The following SNTG2 variants were observed in gnomAD, a reference collection of about 807,000 sequenced individuals.
The protein encoded by SNTG2 is gamma-2-syntrophin.
Under a neutral mutation model 70.9 loss-of-function variants are expected in SNTG2, and 74 were observed. The observed-to-expected ratio is 1.04, with a 90% confidence interval of 0.86 to 1.27. The LOEUF (loss-of-function observed/expected upper bound fraction) is 1.27. Ranked by LOEUF, SNTG2 falls within the 50% of genes most tolerant of loss-of-function variation. The pLI, the probability that SNTG2 is intolerant of heterozygous loss-of-function variation, is 0.00. For missense variants in SNTG2, 717 were observed against 690.7 expected (o/e 1.04, Z -0.43); for synonymous variants, 278 against 273.8 (o/e 1.02, Z -0.15).
intron 6 of SNTG2, among the ~76,000 whole-genome samples, chr2:1,157,136 C>A (rs1386692681): frequency 6.6e-6 from 1 of 152,204 alleles, no homozygotes; most frequent in African/African-American, 2.4e-5. Flanking sequence ...TTCTTCCTGA[C>A]TCGGCCCCTT....
At chr2:1,015,434 C>T (rs895336212) in intron 1 of SNTG2, among the ~76,000 whole-genome samples, 6 of 152,044 alleles carry the variant, frequency 3.9e-5, no homozygotes, top group Non-Finnish European at 8.8e-5. Context: ...GCTGGAAGGA[C>T]GTGTGTTCTA....
intron 9 of SNTG2, among the ~76,000 whole-genome samples, chr2:1,213,604 G>A (rs1427050148): frequency 6.6e-6 from 1 of 152,200 alleles, no homozygotes; most frequent in East Asian, 1.9e-4. Flanking sequence ...CAACAGCCCT[G>A]GACAGGATGC....
chr2:1,263,869 T>TG (rs1220969810), intron 13 of SNTG2, among the ~76,000 whole-genome samples: 1 of 152,210 alleles, frequency 6.6e-6, no homozygotes, highest in African/African-American at 2.4e-5. Context: ...CAGCTAATAC[T>TG]GGGCAAAGAA....
chr2:1,080,087 G>C (rs1002935951), intron 1 of SNTG2, among the ~76,000 whole-genome samples: 2 of 152,144 alleles, frequency 1.3e-5, no homozygotes, highest in Non-Finnish European at 1.5e-5. Flanking sequence ...GGGTCCCCCA[G>C]GGCGGTGGCG....
At chr2:1,308,421 T>A in intron 14 of SNTG2, 73 bp from the exon 15 acceptor site, 1 of 1,354,712 alleles carries the variant, frequency 7.4e-7, no homozygotes, top group South Asian at 1.3e-5. Context: ...GGGGGGTTAA[T>A]ATGGAGACTA....
chr2:1,341,846 C>CTTTTTT (rs368695045), intron 16 of SNTG2: 10 of 137,274 alleles, frequency 7.3e-5, no homozygotes, highest in Non-Finnish European at 1.1e-4. Flanking sequence ...ATTTTTATCG[C>CTTTTTT]TTTTTTTTTT....
chr2:1,201,093 A>G (rs1043705111), intron 8 of SNTG2, among the ~76,000 whole-genome samples: 3 of 152,166 alleles, frequency 2.0e-5, no homozygotes, highest in Non-Finnish European at 2.9e-5. Flanking sequence ...GGATACCTGT[A>G]CCCACATGTT....
intron 14 of SNTG2, 124 bp from the exon 15 acceptor site, chr2:1,308,370 C>T (rs1249306012): frequency 8.4e-6 from 7 of 830,692 alleles, no homozygotes; most frequent in Middle Eastern, 2.8e-4. Flanking sequence ...TTTTGTTCCC[C>T]GTAACTTGCA....
chr2:1,297,303 A>G (rs1280514640), intron 14 of SNTG2, among the ~76,000 whole-genome samples: 1 of 152,214 alleles, frequency 6.6e-6, no homozygotes, highest in Admixed American at 6.5e-5. Context: ...TGCAGTACAC[A>G]TTCATGTAAA....
intron 1 of SNTG2, among the ~76,000 whole-genome samples, chr2:1,035,124 T>TA (rs1661059904): frequency 6.6e-6 from 1 of 152,200 alleles, no homozygotes; most frequent in African/African-American, 2.4e-5. Context: ...TTTGGGTAAA[T>TA]AATGAAATTA....
intron 1 of SNTG2, among the ~76,000 whole-genome samples, chr2:951,903 C>T (rs1014079549): frequency 3.3e-5 from 5 of 152,144 alleles, no homozygotes; most frequent in Non-Finnish European, 7.4e-5. Context: ...GTCCCAGGAG[C>T]GACCAGGAAT....
At chr2:1,194,428 A>C (rs4971411) in intron 8 of SNTG2, among the ~76,000 whole-genome samples, 35,827 of 152,078 alleles carry the variant, frequency 0.24, 4,937 homozygotes, top group East Asian at 0.44. Flanking sequence ...GAATGTGGGA[A>C]TCTTTCTTTC....
At chr2:951,310 C>G (rs1471022695) in intron 1 of SNTG2, among the ~76,000 whole-genome samples, 1 of 152,256 alleles carries the variant, frequency 6.6e-6, no homozygotes, top group Non-Finnish European at 1.5e-5. Context: ...TTTGCTCCTC[C>G]AGCGTCTTCC....
chr2:1,277,914 A>G (rs1244220533), intron 14 of SNTG2, among the ~76,000 whole-genome samples: 1 of 152,220 alleles, frequency 6.6e-6, no homozygotes, highest in African/African-American at 2.4e-5. Context: ...TCTCCATGTC[A>G]GTGGGGTTTC....
chr2:1,203,690 A>ATATATATG (rs150383929), intron 8 of SNTG2, among the ~76,000 whole-genome samples: 9 of 141,306 alleles, frequency 6.4e-5, no homozygotes, highest in Non-Finnish European at 9.2e-5. Flanking sequence ...ATATATATAT[A>ATATATATG]TGTGTGTGTG....
chr2:1,203,515 A>C (rs1208128093), intron 8 of SNTG2, among the ~76,000 whole-genome samples: 1 of 151,522 alleles, frequency 6.6e-6, no homozygotes, highest in Non-Finnish European at 1.5e-5. Flanking sequence ...AAAGCCAGGC[A>C]TGGTGGTGCG....
chr2:979,459 G>A (rs1287738911), intron 1 of SNTG2, among the ~76,000 whole-genome samples: 2 of 152,130 alleles, frequency 1.3e-5, no homozygotes, highest in East Asian at 1.9e-4. Flanking sequence ...CTTGCCCGTC[G>A]GGCTGTGCCC....
At chr2:1,095,434 A>T (rs898848341) in intron 2 of SNTG2, among the ~76,000 whole-genome samples, 1 of 152,224 alleles carries the variant, frequency 6.6e-6, no homozygotes, top group African/African-American at 2.4e-5. Context: ...AATAAATATT[A>T]TTCTGGCTTA....
intron 1 of SNTG2, among the ~76,000 whole-genome samples, chr2:988,100 T>A (rs1448053775): frequency 6.6e-6 from 1 of 152,242 alleles, no homozygotes; most frequent in Non-Finnish European, 1.5e-5. Flanking sequence ...TGACTTTCCG[T>A]TCCTTTAAGA....
Sources: allele counts gnomAD v4.1 joint callset (sites outside exome capture counted in the v4.1 genomes callset), GRCh38; gene constraint gnomAD v4.1.1; transcripts MANE v1.5; gene names NCBI Gene and HGNC (gene_info 2026-07-23, HGNC 2026-07-21).